YY1: variants seen among roughly 807,000 people sequenced by gnomAD.
YY1 encodes YY1 transcription factor.
Under a neutral mutation model 35.6 loss-of-function variants are expected in YY1, and 2 were observed. The observed-to-expected ratio is 0.06, with a 90% confidence interval of 0.02 to 0.18. The LOEUF is 0.18. Among genes scored for constraint, YY1 ranks in the 10% least tolerant of loss-of-function variants. YY1 has a pLI of 1.00. For synonymous variants in YY1, 268 were observed against 238.9 expected, an observed-to-expected ratio of 1.12 and a Z score of -1.12; for missense variants, 322 against 573.4, an observed-to-expected ratio of 0.56 and a Z score of 4.48.
intron 1 of YY1, among the ~76,000 whole-genome samples, chr14:100,250,854 A>G (rs1421566740): frequency 6.6e-6 from 1 of 151,696 alleles, no homozygotes; most frequent in Non-Finnish European, 1.5e-5. Context: ...AAAAAAAAAA[A>G]AAAGGCCAGG....
intron 1 of YY1, among the ~76,000 whole-genome samples, chr14:100,259,188 A>G (rs920778384): frequency 3.9e-5 from 6 of 152,188 alleles, no homozygotes; most frequent in Non-Finnish European, 7.4e-5. Flanking sequence ...TTAGGCATCA[A>G]AGGTAGAAGA....
chr14:100,247,540 A>C (rs114529474), intron 1 of YY1, among the ~76,000 whole-genome samples: 1,606 of 152,102 alleles, frequency 0.011, 31 homozygotes, highest in African/African-American at 0.037. Context: ...ACCACCAGGC[A>C]TGGCTAATTT....
intron 1 of YY1, among the ~76,000 whole-genome samples, chr14:100,248,014 G>C (rs1237229336): frequency 6.6e-6 from 1 of 151,594 alleles, no homozygotes; most frequent in Non-Finnish European, 1.5e-5. Flanking sequence ...GGTTTGATCT[G>C]GCTCACTGCA....
At chr14:100,272,586 CAAA>C (rs1171666234) in intron 2 of YY1, among the ~76,000 whole-genome samples, 1 of 149,962 alleles carries the variant, frequency 6.7e-6, no homozygotes, top group Non-Finnish European at 1.5e-5. Context: ...TTTTTTGTAA[CAAA>C]AGAGTGGTGG....
At chr14:100,274,470 A>G (rs1360769078) in intron 2 of YY1, among the ~76,000 whole-genome samples, 2 of 152,158 alleles carry the variant, frequency 1.3e-5, no homozygotes, top group African/African-American at 4.8e-5. Context: ...GTAGGCGGCA[A>G]CTCGATGTTT....
chr14:100,248,117 T>C (rs1282603431), intron 1 of YY1, among the ~76,000 whole-genome samples: 2 of 105,526 alleles, frequency 1.9e-5, no homozygotes, highest in Non-Finnish European at 3.7e-5. Flanking sequence ...GCTAATTTTT[T>C]TTTCTTTTTT....
intron 1 of YY1, among the ~76,000 whole-genome samples, chr14:100,240,317 ACGCGGGAGGTCGTTGGCGGGGCTGCGC>A (rs1441653958): frequency 2.1e-5 from 3 of 145,602 alleles, no homozygotes; most frequent in African/African-American, 5.0e-5. Flanking sequence ...CCCGGGCGGG[ACGCGGGAGGTCGTTGGCGGGGCTGCGC>A]CGCGGCCTCG....
Position 100,239,385 on chromosome 14 carries a change from G to GGAC in YY1, c.153_155dup (p.Asp51dup), listed in dbSNP as rs748854104. 1.6e-5 allele frequency: 26 copies of GGAC among 1,594,986 alleles called. No homozygotes were observed. Among genetic ancestry groups the GGAC allele is most frequent in the South Asian group, 4.5e-5 (4 of 89,376 alleles). On this transcript the variant is annotated inframe_insertion, in exon 1 of 5. Transcript: ENST00000262238. ...CAGTGGTGGGCGAGGAGGAGGAGGA[G>GGAC]GACGACGACGACGAGGACGGCGGCG...
At chr14:100,261,725 A>G (rs1028551625) in intron 1 of YY1, among the ~76,000 whole-genome samples, 3 of 152,186 alleles carry the variant, frequency 2.0e-5, no homozygotes, top group Non-Finnish European at 2.9e-5. Context: ...GGGCCAAAAT[A>G]GAGGAGTGAA....
At chr14:100,249,012 G>C (rs1264477074) in intron 1 of YY1, among the ~76,000 whole-genome samples, 3 of 147,628 alleles carry the variant, frequency 2.0e-5, no homozygotes, top group Non-Finnish European at 3.0e-5. Flanking sequence ...TAGCCATTCA[G>C]TTACTTTGGT....
At chr14:100,251,393 C>T (rs539470961) in intron 1 of YY1, among the ~76,000 whole-genome samples, 1 of 152,214 alleles carries the variant, frequency 6.6e-6, no homozygotes, top group Non-Finnish European at 1.5e-5. Flanking sequence ...AGAAGGAACC[C>T]ACACAACAAC....
intron 1 of YY1, among the ~76,000 whole-genome samples, chr14:100,257,486 C>T (rs570787153): frequency 6.6e-6 from 1 of 152,196 alleles, no homozygotes; most frequent in South Asian, 2.1e-4. Context: ...AATCTTAACC[C>T]CCAATGTGAT....
chr14:100,241,147 C>G (rs1192364253), intron 1 of YY1, among the ~76,000 whole-genome samples: 1 of 152,192 alleles, frequency 6.6e-6, no homozygotes, highest in Non-Finnish European at 1.5e-5. Context: ...TGCTACCTAG[C>G]TAAATTGCTG....
Position 100,239,187 on chromosome 14 carries a change from G to C in YY1, c.-58G>C. On this transcript the variant is annotated 5_prime_UTR_variant, in exon 1 of 5. Transcript: ENST00000262238. Reference sequence around the variant, plus strand: ...CCCACGGCCGGCCGCCTCCTCGCCCGCCCGCCCGCAGCCGAGGAGCCGAGG... The same window carrying C: ...CCCACGGCCGGCCGCCTCCTCGCCCCCCCGCCCGCAGCCGAGGAGCCGAGG... 8.1e-7 allele frequency: 1 copy of C among 1,232,636 alleles called. No individual in the cohort carries two copies. The highest frequency in any genetic ancestry group is 1.0e-6 in the Non-Finnish European group (1 of 985,202). 76.4% of individuals were successfully genotyped at this position (1,232,636 alleles called of 1,614,324 possible).
intron 1 of YY1, among the ~76,000 whole-genome samples, chr14:100,258,990 T>C (rs1444389364): frequency 6.6e-6 from 1 of 152,134 alleles, no homozygotes; most frequent in Non-Finnish European, 1.5e-5. Flanking sequence ...TTTTTGGTGG[T>C]TGTAGATTTC....
chr14:100,249,100 ATTTTTTTTTTTTT>A (rs60088505), intron 1 of YY1, among the ~76,000 whole-genome samples: 78 of 46,838 alleles, frequency 1.7e-3, no homozygotes, highest in East Asian at 4.6e-3. Context: ...TTCTCGTGTA[ATTTTTTTTTTTTT>A]TTTTTTTTTT....
chr14:100,275,987 G>C (rs1312645523), intron 3 of YY1: 3 of 166,630 alleles, frequency 1.8e-5, no homozygotes, highest in African/African-American at 7.2e-5. Flanking sequence ...CTGTCAAGAA[G>C]GGGAAAGAGG....
chr14:100,239,548 G>A lies in YY1; in HGVS notation c.304G>A (p.Glu102Lys). The change falls in exon 1 of 5, where the codon GAG (glutamate) becomes AAG (lysine). Residue 102 changes from glutamate (E) to lysine (K), a missense_variant. Physicochemically the swap from Glu to Lys is moderately conservative, Grantham distance 56. Around this residue, in one of 4 missense-constraint regions of YY1, gnomAD observed 137 missense variants for 167.0 expected, o/e 0.82. Coordinates refer to ENST00000262238, the MANE Select transcript of YY1 (RefSeq NM_003403.5). ...CCCGACCCAGGTGCACCACCACCAG[G>A]AGGTGATCCTGGTGCAGACGCGCGA... ...DDPTQVHHHQEVILVQTREEV... is the reference protein window; with the variant it reads ...DDPTQVHHHQKVILVQTREEV... The A allele has an allele frequency of 6.2e-7, 1 of 1,612,588 alleles. No homozygotes were observed. Among genetic ancestry groups the A allele is most frequent in the Non-Finnish European group, 8.5e-7 (1 of 1,179,704 alleles).
In YY1 at chr14:100,280,693, C is replaced by T. The variant is rs1653433414; in HGVS notation, c.*3093C>T. The stretch of plus-strand genomic sequence containing the variant: ...AGACCCTTTCACAGGATAGTGTGCG[C>T]AATACCTGTCCGTGTTTCCAAGCAG... On this transcript the variant is annotated 3_prime_UTR_variant, in exon 5 of 5. Transcript: ENST00000262238. The T allele has an allele frequency of 6.6e-6, 1 of 152,038 alleles. No individual in the cohort carries two copies. Among genetic ancestry groups the T allele is most frequent in the African/African-American group, 2.4e-5 (1 of 41,400 alleles). 9.4% of individuals were successfully genotyped at this position (152,038 alleles called of 1,614,324 possible). A position where few individuals can be genotyped will look rare whatever the true frequency, so the allele number is the denominator to read the frequency against.
Sources: allele counts gnomAD v4.1 joint callset (sites outside exome capture counted in the v4.1 genomes callset), GRCh38; gene constraint gnomAD v4.1.1; regional missense constraint gnomAD v4.1.1; transcripts MANE v1.5; gene names NCBI Gene and HGNC (gene_info 2026-07-23, HGNC 2026-07-21).